The following GNL3 variants were observed in gnomAD, a reference collection of about 807,000 sequenced individuals.
GNL3 encodes the protein guanine nucleotide-binding protein-like 3.
GNL3 carries 77 observed loss-of-function variants against 70.6 expected under a neutral mutation model. That is an observed-to-expected ratio of 1.09 (90% CI 0.91 to 1.32). The LOEUF (loss-of-function observed/expected upper bound fraction) is 1.32. GNL3 is among the 40% of genes most tolerant of loss of function. GNL3 has a pLI of 0.00. For synonymous variants in GNL3, 252 were observed against 216.1 expected (o/e 1.17, Z -1.46); for missense variants, 634 against 644.0 (o/e 0.98, Z 0.17).
chr3:52,689,407 C>T (rs2097325167), intron 6 of GNL3: 2 of 678,408 alleles, frequency 2.9e-6, no homozygotes, highest in East Asian at 5.6e-5. Flanking sequence ...TATTCTTTTG[C>T]CATTCAGTAT....
upstream of GNL3, chr3:52,685,984 C>T: frequency 1.3e-6 from 1 of 762,928 alleles, no homozygotes; most frequent in Non-Finnish European, 2.4e-6. Flanking sequence ...GAGGCGGTGA[C>T]GCACTTTACG....
chr3:52,687,575 A>G lies in GNL3; in HGVS notation c.284A>G (p.Asn95Ser). The change falls in exon 4 of 15, where the codon AAT (asparagine) becomes AGT (serine). Residue 95 changes from asparagine (N) to serine (S), a missense_variant. By Grantham distance (46) the Asn-to-Ser change is conservative. Coordinates refer to ENST00000418458, the MANE Select transcript of GNL3 (RefSeq NM_014366.5). ...GAAAAGAAAAGAAAACTTGAAACTA[A>G]TCCTGATATTAAGCCATCAAATGTG... ...ELEKKRKLET[N>S]PDIKPSNVEP... 4 of 1,610,954 alleles carry G rather than the reference A, an allele frequency of 2.5e-6. No individual in the cohort carries two copies. The highest frequency in any genetic ancestry group is 2.5e-6 in the Non-Finnish European group (3 of 1,177,110).
At chr3:52,691,705 T>A in intron 9 of GNL3, 76 bp downstream of exon 9, 1 of 245,818 alleles carries the variant, frequency 4.1e-6, no homozygotes, top group Non-Finnish European at 7.3e-6. Flanking sequence ...GAAGGTGATT[T>A]TTTTTTTTTT....
In GNL3 at chr3:52,688,002, T is replaced by TA. The variant is rs2097323862; in HGVS notation, c.325-106dup. 4.1e-6 allele frequency: 3 copies of TA among 724,532 alleles called. No individual in the cohort carries two copies. The African/African-American group carries it at 5.2e-5, about 13-fold the overall frequency. 44.9% of individuals were successfully genotyped at this position (724,532 alleles called of 1,614,324 possible). ...AGACAACTGAGTTCAGACTCCATCTTACCTATTTAACAACTGCAAGGGCTG... is the reference window on the plus strand; with the variant it reads ...AGACAACTGAGTTCAGACTCCATCTTAACCTATTTAACAACTGCAAGGGCTG... On this transcript the variant is annotated intron_variant, in intron 4 of 14. Coordinates refer to ENST00000418458, the MANE Select transcript of GNL3 (RefSeq NM_014366.5).
chr3:52,687,050 A>G (rs1370980704), intron 2 of GNL3, 196 bp from the exon 3 acceptor site: 1 of 632,838 alleles, frequency 1.6e-6, no homozygotes, highest in African/African-American at 1.8e-5. Flanking sequence ...ATCTCTGCAT[A>G]GAGAGCCTTC....
Position 52,687,315 on chromosome 3 carries a change from C to T in GNL3, c.142C>T (p.Pro48Ser). 1 of 1,612,726 alleles carries T rather than the reference C, an allele frequency of 6.2e-7. No individual in the cohort carries two copies. The highest frequency in any genetic ancestry group is 8.5e-7 in the Non-Finnish European group (1 of 1,178,776). The change falls in exon 3 of 15, where the codon CCA becomes TCA. Residue 48 changes from proline to serine, a missense_variant. By Grantham distance (74) the Pro-to-Ser change is moderately conservative. Transcript: ENST00000418458. ...GGGTCACAAGAAGCCTAGGAAAGAC[C>T]CAGGAGTTCCAAACAGTGCTCCCTT... ...KRGHKKPRKDPGVPNSAPFKE... is the reference protein window; with the variant it reads ...KRGHKKPRKDSGVPNSAPFKE...
chr3:52,690,756 TATG>T lies in GNL3; in HGVS notation c.654+57_654+59del, dbSNP rs766272011. 3.1e-5 allele frequency: 38 copies of T among 1,216,512 alleles called. No homozygotes were observed. In the South Asian group the frequency reaches 3.9e-4, roughly 12 times the overall value. The allele number at this position is 1,216,512 out of a possible 1,614,324, so 75.4% of individuals were successfully genotyped here. On this transcript the variant is annotated intron_variant, in intron 7 of 14. Coordinates refer to ENST00000418458, the MANE Select transcript of GNL3 (RefSeq NM_014366.5). Reference sequence around the variant, plus strand: ...TGATTCTTTCAGATTTTGGTTGAAATATGATGAGTGTACAAAATCTTGATTTAA... The same window carrying T: ...TGATTCTTTCAGATTTTGGTTGAAATATGAGTGTACAAAATCTTGATTTAA...
chr3:52,686,865 T>G (rs1331858072), intron 2 of GNL3, 38 bp downstream of exon 2: 1 of 1,446,488 alleles, frequency 6.9e-7, no homozygotes, highest in South Asian at 1.2e-5. Context: ...CCAAACACAT[T>G]GCTAAACTGA....
chr3:52,686,151 G>C, intron 1 of GNL3, 46 bp downstream of exon 1: 6 of 1,592,638 alleles, frequency 3.8e-6, no homozygotes, highest in Non-Finnish European at 5.2e-6. Context: ...ACGTCTGGAA[G>C]TTGCTGCAGC....
At chr3:52,693,565 C>G in intron 12 of GNL3, 21 bp downstream of exon 12, 1 of 1,613,910 alleles carries the variant, frequency 6.2e-7, no homozygotes, top group South Asian at 1.1e-5. Context: ...TGTGTCGCTG[C>G]TGTCTTCATC....
chr3:52,688,244 C>T, intron 5 of GNL3, 52 bp downstream of exon 5: 2 of 1,057,472 alleles, frequency 1.9e-6, no homozygotes, highest in Non-Finnish European at 2.9e-6. Flanking sequence ...TTAAAAGACT[C>T]AAGTCATTTT....
At chr3:52,692,687 T>C (rs774154109) in intron 9 of GNL3, 185 bp from the exon 10 acceptor site, 6 of 753,278 alleles carry the variant, frequency 8.0e-6, no homozygotes, top group Middle Eastern at 2.3e-4. Flanking sequence ...AGCTATAACA[T>C]GTAGTGTTCT....
Position 52,690,936 on chromosome 3 carries a change from G to C in GNL3, c.655-9G>C. On this transcript the variant is annotated splice_polypyrimidine_tract_variant and intron_variant, in intron 7 of 14. Coordinates refer to ENST00000418458, the MANE Select transcript of GNL3 (RefSeq NM_014366.5). ...GTTGCCAGAATAATTCAACTATTTG[G>C]AATTTTAGCGTGTGAAGGCAAAGAA... 2 of 1,613,552 alleles carry C rather than the reference G, an allele frequency of 1.2e-6. No individual in the cohort carries two copies. Among genetic ancestry groups the C allele is most frequent in the South Asian group, 2.2e-5 (2 of 91,034 alleles).
In GNL3 at chr3:52,686,819, C is replaced by T; in HGVS notation, c.64C>T (p.Gln22Ter). 6.2e-7 allele frequency: 1 copy of T among 1,606,524 alleles called. No homozygotes were observed. Among genetic ancestry groups the T allele is most frequent in the Non-Finnish European group, 8.5e-7 (1 of 1,175,078 alleles). ...GACCTGCCATAAGCGGTATAAAATC[C>T]AAAAAAAGGTAAGTGTAGTGCTTGA... Reference protein sequence around the residue: ...RMTCHKRYKIQKKVREHHRKL... With the variant: ...RMTCHKRYKI The change falls in exon 2 of 15, where the codon CAA becomes TAA. Residue 22 changes from glutamine to a stop codon, truncating the protein, a stop_gained. Coordinates refer to ENST00000418458, the MANE Select transcript of GNL3 (RefSeq NM_014366.5). LOFTEE classifies it high-confidence loss of function.
chr3:52,685,939 T>G, upstream of GNL3: 1 of 709,140 alleles, frequency 1.4e-6, no homozygotes, highest in Non-Finnish European at 2.6e-6. Context: ...AAGCGATCCC[T>G]GCTCCGCGCG....
chr3:52,692,233 A>T (rs140931409), intron 9 of GNL3, among the ~76,000 whole-genome samples: 1 of 152,288 alleles, frequency 6.6e-6, no homozygotes, highest in South Asian at 2.1e-4. Context: ...TATTTTTAAT[A>T]GAGATGGGGT....
intron 1 of GNL3, among the ~76,000 whole-genome samples, 182 bp from the exon 2 acceptor site, chr3:52,686,587 G>C (rs1457453613): frequency 6.6e-6 from 1 of 152,128 alleles, no homozygotes; most frequent in Admixed American, 6.5e-5. Context: ...ACTCCATTCT[G>C]GATCTACTGA....
chr3:52,686,441 C>T (rs2097312099), intron 1 of GNL3: 3 of 568,482 alleles, frequency 5.3e-6, no homozygotes, highest in Non-Finnish European at 9.4e-6. Context: ...AGCTGAGAAT[C>T]GCCTCCCAGA....
chr3:52,689,291 A>T, intron 6 of GNL3, 85 bp downstream of exon 6: 1 of 1,255,406 alleles, frequency 8.0e-7, no homozygotes, highest in East Asian at 2.3e-5. Context: ...GACTGATTAG[A>T]TCCAACTCTG....
Sources: gnomAD v4.1 joint callset for allele counts (sites outside exome capture counted in the v4.1 genomes callset) on GRCh38, gnomAD v4.1.1 for gene constraint, MANE v1.5 for transcripts, NCBI Gene and HGNC (gene_info 2026-07-23, HGNC 2026-07-21) for gene names.